Variants in FBXL18 observed in about 807,000 individuals in gnomAD.
FBXL18 encodes F-box/LRR-repeat protein 18.
In FBXL18, 36 loss-of-function variants were observed where a neutral mutation model predicts 46.0. The observed-to-expected ratio is 0.78, with a 90% CI of 0.60 to 1.03. The LOEUF is 1.03. Ranked by LOEUF, FBXL18 falls within the 50% of genes least tolerant of loss-of-function variation. The pLI is 0.00. For missense variants in FBXL18, 977 were observed against 1,004.1 expected (o/e 0.97, Z 0.36); for synonymous variants, 557 against 465.3 (o/e 1.20, Z -2.54).
rs763805030 is a variant in FBXL18, at chr7:5,505,617, T to C, written c.32A>G (p.Asp11Gly). 1 of 1,613,874 alleles carries C rather than the reference T, an allele frequency of 6.2e-7. No individual in the cohort carries two copies. The highest frequency in any genetic ancestry group is 1.7e-5 in the Admixed American group (1 of 59,986). Residue 11 changes from aspartate (D) to glycine (G), a missense_variant, in exon 2 of 5, where the codon GAT (aspartate) becomes GGT (glycine). Physicochemically the swap from Asp to Gly is moderately conservative, Grantham distance 94 (BLOSUM62 -1). Coordinates refer to ENST00000382368, the MANE Select transcript of FBXL18 (RefSeq NM_024963.6). The stretch of plus-strand genomic sequence containing the variant: ...TGCTGCAGGGTGCATGTCATCATCA[T>C]CATTGGATATGTCCTGAAAATAAGG... MASSGEDISNDDDDMHPAAAG... is the reference protein window; with the variant it reads MASSGEDISNGDDDMHPAAAG...
chr7:5,501,174 C>T lies in FBXL18; in HGVS notation c.1095G>A (p.Lys365=). ...HCLSPDSLLR[K]AEDDIDSSIL... ...TGCTGCTGTCGATGTCGTCCTCCGC[C>T]TTGCGGAGCAGCGAGTCTGGGGACA... Residue 365 remains lysine (K), a synonymous_variant, in exon 3 of 5, where the codon AAG becomes AAA. Coordinates refer to ENST00000382368, the MANE Select transcript of FBXL18 (RefSeq NM_024963.6). The T allele has an allele frequency of 2.5e-6, 4 of 1,613,234 alleles. No individual in the cohort carries two copies. Among genetic ancestry groups the T allele is most frequent in the East Asian group, 2.2e-5 (1 of 44,864 alleles).
At chr7:5,484,403 G>A (rs1013893535) in intron 4 of FBXL18, among the ~76,000 whole-genome samples, 2 of 150,380 alleles carry the variant, frequency 1.3e-5, no homozygotes, top group Non-Finnish European at 3.0e-5. Flanking sequence ...CCTGGAAGGT[G>A]AGCTTGCAGT....
At chr7:5,463,744 T>A (rs56118584) in intron 4 of FBXL18, among the ~76,000 whole-genome samples, 753 of 57,578 alleles carry the variant, frequency 0.013, 13 homozygotes, top group African/African-American at 0.024. Context: ...TTTTTTTTTT[T>A]TTTTTTTTTT....
intron 4 of FBXL18, chr7:5,489,079 G>C (rs1783847033): frequency 3.2e-6 from 1 of 308,754 alleles, no homozygotes; most frequent in East Asian, 1.0e-4. Flanking sequence ...GCGAAGTCAA[G>C]ATCCAAAGCA....
intron 4 of FBXL18, among the ~76,000 whole-genome samples, chr7:5,463,713 T>TATATATATA (rs1251173661): frequency 3.0e-5 from 2 of 66,912 alleles, no homozygotes; most frequent in Non-Finnish European, 5.5e-5. Context: ...TATTTATTTA[T>TATATATATA]TTATTTATTT....
chr7:5,468,642 G>C (rs577078116), intron 4 of FBXL18, among the ~76,000 whole-genome samples: 2 of 152,218 alleles, frequency 1.3e-5, no homozygotes, highest in Admixed American at 1.3e-4. Context: ...TTACTCTGTT[G>C]CCCAGGCTGG....
rs755838877 is a variant in FBXL18, at chr7:5,490,065, A to G, written c.2000+1166T>C. On this transcript the variant is annotated intron_variant, in intron 4 of 4. Transcript: ENST00000382368. ...CCCCAACCAGGATTATTCCTGAGAC[A>G]GCCAGCGGCCGACCGCAAGGACAAC... 2.6e-5 allele frequency: 35 copies of G among 1,354,616 alleles called. 1 individual carries two copies. Among genetic ancestry groups the G allele is most frequent in the Non-Finnish European group, 3.4e-5 (35 of 1,016,018 alleles). The allele number at this position is 1,354,616 out of a possible 1,614,324, so 83.9% of individuals were successfully genotyped here.
intron 4 of FBXL18, among the ~76,000 whole-genome samples, chr7:5,487,371 G>T (rs191388100): frequency 2.6e-4 from 40 of 152,338 alleles, no homozygotes; most frequent in African/African-American, 9.6e-4. Context: ...CAGCAGCCCT[G>T]GGGGAATCCA....
chr7:5,486,551 G>C (rs1171017896), intron 4 of FBXL18, among the ~76,000 whole-genome samples: 1 of 152,086 alleles, frequency 6.6e-6, no homozygotes, highest in Non-Finnish European at 1.5e-5. Flanking sequence ...TACTGAGGAG[G>C]CTGAAGCAGG....
chr7:5,459,448 C>CA (rs1297121610), intron 4 of FBXL18, among the ~76,000 whole-genome samples: 1 of 152,076 alleles, frequency 6.6e-6, no homozygotes, highest in Admixed American at 6.6e-5. Context: ...ATTAAAAACA[C>CA]AAAAAATGCT....
chr7:5,482,508 C>A (rs1458245980), intron 4 of FBXL18, among the ~76,000 whole-genome samples: 5 of 125,550 alleles, frequency 4.0e-5, no homozygotes, highest in Non-Finnish European at 3.4e-5. Flanking sequence ...CCCCCCAATG[C>A]CCCCACCCCC....
rs1784605859 is a variant in FBXL18, at chr7:5,513,799, T to C, written c.-125A>G. On this transcript the variant is annotated 5_prime_UTR_variant, in exon 1 of 5. Transcript: ENST00000382368. ...CGAGACCCCGGCAAGGAGCGGGCTC[T>C]CGTCACTTCCGGCGCCCGCCTACAC... 10 of 1,362,688 alleles carry C rather than the reference T, an allele frequency of 7.3e-6. No homozygotes were observed. The highest frequency in any genetic ancestry group is 1.4e-5 in the South Asian group (1 of 71,644). The allele number at this position is 1,362,688 out of a possible 1,614,324, so 84.4% of individuals were successfully genotyped here.
Position 5,500,350 on chromosome 7 carries a change from C to T in FBXL18, c.1781+138G>A. On this transcript the variant is annotated intron_variant, in intron 3 of 4. Coordinates refer to ENST00000382368, the MANE Select transcript of FBXL18 (RefSeq NM_024963.6). ...GCCGCTCTCCCCAGAGCCCCGAGAC[C>T]GACGTGGCACGCTGCGAGGCCCCGC... is the stretch of plus-strand genomic sequence containing the variant. The T allele has an allele frequency of 4.0e-6, 3 of 743,906 alleles. No homozygotes were observed. Among genetic ancestry groups the T allele is most frequent in the East Asian group, 2.7e-5 (1 of 37,074 alleles). The allele number at this position is 743,906 out of a possible 1,614,324, so 46.1% of individuals were successfully genotyped here. A position where few individuals can be genotyped will look rare whatever the true frequency, so the allele number is the denominator to read the frequency against.
chr7:5,484,426 C>T (rs779739549), intron 4 of FBXL18, among the ~76,000 whole-genome samples: 7 of 148,620 alleles, frequency 4.7e-5, no homozygotes, highest in South Asian at 2.1e-4. Context: ...GCAGAGATTG[C>T]GCCACTGCAC....
At chr7:5,507,930 C>T (rs1237799538) in intron 1 of FBXL18, among the ~76,000 whole-genome samples, 1 of 151,974 alleles carries the variant, frequency 6.6e-6, no homozygotes, top group East Asian at 1.9e-4. Context: ...GGTCAGTTCT[C>T]GAGACCAGCC....
downstream of FBXL18, among the ~76,000 whole-genome samples, chr7:5,475,536 G>A (rs772441607): frequency 3.6e-4 from 54 of 152,092 alleles, no homozygotes; most frequent in Non-Finnish European, 6.9e-4. The surrounding 1 kb of genome is among the most constrained non-coding windows in gnomAD (Gnocchi z 4.2). Context: ...CCTGACCTAC[G>A]CAGCCTCCTC....
At position 5,500,626 on chromosome 7, in the gene FBXL18, G is replaced by A. The variant is rs1784211663; in HGVS notation, c.1643C>T (p.Ser548Phe). The change falls in exon 3 of 5, where the codon TCC becomes TTC. Residue 548 changes from serine to phenylalanine, a missense_variant. By Grantham distance (155) the Ser-to-Phe change is radical. Transcript: ENST00000382368. ...LAQLPSVLTGSGLVNIGLQCQ... is the reference protein window; with the variant it reads ...LAQLPSVLTGFGLVNIGLQCQ... ...CTGCAGGCCGATATTGACCAGCCCG[G>A]AGCCCGTAAGGACGCTGGGCAGCTG... 2 of 1,613,030 alleles carry A rather than the reference G, an allele frequency of 1.2e-6. No individual in the cohort carries two copies. Among genetic ancestry groups the A allele is most frequent in the South Asian group, 2.2e-5 (2 of 91,066 alleles).
At chr7:5,488,724 TG>T (rs1379033176) in intron 4 of FBXL18, among the ~76,000 whole-genome samples, 11 of 152,142 alleles carry the variant, frequency 7.2e-5, no homozygotes, top group Non-Finnish European at 1.3e-4. Flanking sequence ...CGCAAGCGTA[TG>T]GGGGGCGAAG....
intron 3 of FBXL18, among the ~76,000 whole-genome samples, chr7:5,494,098 C>T (rs1784008633): frequency 6.6e-6 from 1 of 151,898 alleles, no homozygotes; most frequent in African/African-American, 2.4e-5. Context: ...CATGGAAAAA[C>T]CCCATCTCTA....
Sources: allele counts gnomAD v4.1 joint callset (sites outside exome capture counted in the v4.1 genomes callset), GRCh38; gene constraint gnomAD v4.1.1; non-coding constraint Gnocchi (gnomAD v3.1); transcripts MANE v1.5; gene names NCBI Gene and HGNC (gene_info 2026-07-23, HGNC 2026-07-21).